Variants in CDK17 observed in about 807,000 individuals in gnomAD.
CDK17 encodes the protein cyclin-dependent kinase 17.
CDK17 carries 24 observed loss-of-function variants against 77.6 expected under a neutral mutation model. That is an observed-to-expected ratio of 0.31 (90% CI 0.22 to 0.44). The LOEUF (loss-of-function observed/expected upper bound fraction) is 0.44. CDK17 is among the 20% of genes least tolerant of loss of function. CDK17 has a pLI of 1.00. For missense variants in CDK17, 429 were observed against 622.5 expected, an observed-to-expected ratio of 0.69 and a Z score of 3.31; for synonymous variants, 203 against 210.4, an observed-to-expected ratio of 0.96 and a Z score of 0.30.
intron 3 of CDK17, among the ~76,000 whole-genome samples, chr12:96,316,340 G>T (rs961276124): frequency 1.2e-4 from 18 of 151,820 alleles, no homozygotes; most frequent in Non-Finnish European, 4.4e-5. Flanking sequence ...TAGCACAGCA[G>T]TCTGAGATCA....
chr12:96,363,918 C>CT (rs1953541138), intron 1 of CDK17, among the ~76,000 whole-genome samples: 1 of 152,190 alleles, frequency 6.6e-6, no homozygotes, highest in Non-Finnish European at 1.5e-5. Context: ...GTTCACAGTG[C>CT]GAGAAGGCAA....
Position 96,357,401 on chromosome 12 carries a change from G to A in CDK17, c.-29-22536C>T, listed in dbSNP as rs576202477. ...CGCTTGAGCCCAGGAGTTTAAGGCT[G>A]CAGTGAGCTGTGACTGCACTCCAAC... On this transcript the variant is annotated intron_variant, in intron 1 of 16. Transcript: ENST00000261211. Among the ~76,000 whole-genome samples, 14 of 152,312 alleles carry A rather than the reference G, an allele frequency of 9.2e-5. 2 individuals are homozygous for A. In the South Asian group the frequency reaches 2.9e-3, roughly 32 times the overall value.
chr12:96,371,214 C>T (rs573653946), intron 1 of CDK17, among the ~76,000 whole-genome samples: 1 of 151,298 alleles, frequency 6.6e-6, no homozygotes, highest in Admixed American at 6.6e-5. Context: ...ATACTTTATC[C>T]TCTAATTAGC....
rs73366508 is a variant in CDK17 at position 96,313,078 on chromosome 12, T to G, written c.417+243A>C. ...ACCTAAAATAACGTTTCGCAAAAAA[T>G]TAAAATAAAATGTTTCACAGAATGC... On this transcript the variant is annotated intron_variant, in intron 4 of 16. Transcript: ENST00000261211. Among the ~76,000 whole-genome samples, 925 of 152,172 alleles carry G rather than the reference T, an allele frequency of 6.1e-3. 11 individuals are homozygous for G. Among genetic ancestry groups the G allele is most frequent in the African/African-American group, 0.02 (831 of 41,526 alleles).
chr12:96,384,016 A>G (rs1953928875), intron 1 of CDK17, among the ~76,000 whole-genome samples: 1 of 152,186 alleles, frequency 6.6e-6, no homozygotes, highest in Non-Finnish European at 1.5e-5. Context: ...TGCATCCAAC[A>G]AAGGACTAAT....
chr12:96,312,556 G>T (rs1952657765), intron 4 of CDK17, among the ~76,000 whole-genome samples: 1 of 152,050 alleles, frequency 6.6e-6, no homozygotes, highest in African/African-American at 2.4e-5. Context: ...AACTGATTAA[G>T]AAGAATCCTT....
intron 1 of CDK17, among the ~76,000 whole-genome samples, chr12:96,367,047 T>C (rs1953596843): frequency 6.6e-6 from 1 of 152,068 alleles, no homozygotes; most frequent in African/African-American, 2.4e-5. Flanking sequence ...TTCCCTTTCT[T>C]ATTAAGAAAT....
chr12:96,357,583 T>C (rs1218635610), intron 1 of CDK17, among the ~76,000 whole-genome samples: 2 of 152,086 alleles, frequency 1.3e-5, no homozygotes, highest in Non-Finnish European at 2.9e-5. Context: ...TACAGAAAGG[T>C]TATAGTAGAC....
chr12:96,399,816 C>A (rs900520494), intron 1 of CDK17, among the ~76,000 whole-genome samples, 170 bp downstream of exon 1: 18 of 152,082 alleles, frequency 1.2e-4, no homozygotes, highest in Middle Eastern at 3.5e-3. Context: ...AGGTGACAGG[C>A]GCACGCTAGC....
At position 96,331,833 on chromosome 12, in the gene CDK17, T is replaced by C. The variant is rs747790431; in HGVS notation, c.118+2886A>G. ...CATGTGCCTAGATATGCAAGAGTAA[T>C]AGGACTGTGATCATGCCTGTGACTA... On this transcript the variant is annotated intron_variant, in intron 2 of 16. Coordinates refer to ENST00000261211, the MANE Select transcript of CDK17 (RefSeq NM_002595.5). Among the ~76,000 whole-genome samples, 22 of 152,144 alleles carry C rather than the reference T, an allele frequency of 1.4e-4. 1 individual carries two copies. Among genetic ancestry groups the C allele is most frequent in the Admixed American group, 1.1e-3 (17 of 15,270 alleles).
intron 1 of CDK17, among the ~76,000 whole-genome samples, chr12:96,363,849 AAAAC>A (rs1389742174): frequency 9.2e-5 from 14 of 152,234 alleles, no homozygotes; most frequent in South Asian, 4.1e-4. Context: ...ACTCTGTCTC[AAAAC>A]AAACAAACAC....
At chr12:96,340,635 C>T (rs532749221) in intron 1 of CDK17, among the ~76,000 whole-genome samples, 54 of 152,186 alleles carry the variant, frequency 3.5e-4, no homozygotes, top group Admixed American at 3.5e-3. Flanking sequence ...TAGCTGAGAA[C>T]AAAGGCACAT....
intron 5 of CDK17, among the ~76,000 whole-genome samples, chr12:96,307,893 A>AC (rs1952597244): frequency 6.6e-6 from 1 of 152,070 alleles, no homozygotes; most frequent in Non-Finnish European, 1.5e-5. Flanking sequence ...ACACACACAC[A>AC]AAAAATGTCT....
intron 3 of CDK17, among the ~76,000 whole-genome samples, chr12:96,317,143 A>T (rs1952741756): frequency 6.7e-6 from 1 of 148,746 alleles, no homozygotes; most frequent in South Asian, 2.3e-4. Context: ...CCAAGGCTCG[A>T]GAACTACATG....
Position 96,355,398 on chromosome 12 carries a change from GTTTTTTTT to G in CDK17, c.-29-20541_-29-20534del, listed in dbSNP as rs58937020. Reference sequence around the variant, plus strand: ...CTTGCTGTCTAACATTCTACATTGGGTTTTTTTTTTTTTTTTTTTTTTTGGAGATGGAG... The same window carrying G: ...CTTGCTGTCTAACATTCTACATTGGGTTTTTTTTTTTTTTTGGAGATGGAG... On this transcript the variant is annotated intron_variant, in intron 1 of 16. Transcript: ENST00000261211. Among the ~76,000 whole-genome samples, 252 of 72,490 alleles carry G rather than the reference GTTTTTTTT, an allele frequency of 3.5e-3. 1 individual carries two copies. Among genetic ancestry groups the G allele is most frequent in the African/African-American group, 0.014 (233 of 16,310 alleles). The allele number at this position is 72,490 out of a possible 152,430, so 47.6% of individuals were successfully genotyped here.
At position 96,387,748 on chromosome 12, in the gene CDK17, C is replaced by T. The variant is rs143250412; in HGVS notation, c.-30+12238G>A. Among the ~76,000 whole-genome samples the T allele has an allele frequency of 1.4e-3, 218 of 152,076 alleles. 1 individual carries two copies. The highest frequency in any genetic ancestry group is 5.1e-3 in the African/African-American group (212 of 41,468). Reference sequence around the variant, plus strand: ...CTTGTGTCCAGGAGTTCAAGACTAGCCTGGGCAACATAGTGAGACCCTGTC... The same window carrying T: ...CTTGTGTCCAGGAGTTCAAGACTAGTCTGGGCAACATAGTGAGACCCTGTC... On this transcript the variant is annotated intron_variant, in intron 1 of 16. Coordinates refer to ENST00000261211, the MANE Select transcript of CDK17 (RefSeq NM_002595.5).
chr12:96,324,550 T>C (rs1952868577), intron 2 of CDK17, among the ~76,000 whole-genome samples: 1 of 152,144 alleles, frequency 6.6e-6, no homozygotes, highest in Admixed American at 6.6e-5. Context: ...GCGGATCACC[T>C]GAGGTCAGGA....
At chr12:96,337,636 C>T (rs539727625) in intron 1 of CDK17, among the ~76,000 whole-genome samples, 202 of 152,272 alleles carry the variant, frequency 1.3e-3, no homozygotes, top group Admixed American at 4.8e-3. Flanking sequence ...ACTCTAAATG[C>T]TATTCTTTAC....
At chr12:96,341,318 T>TATAC (rs1953118437) in intron 1 of CDK17, among the ~76,000 whole-genome samples, 1 of 148,696 alleles carries the variant, frequency 6.7e-6, no homozygotes, top group African/African-American at 2.5e-5. Flanking sequence ...ATCATATACA[T>TATAC]ACACACACAC....
Sources: allele counts gnomAD v4.1 joint callset (sites outside exome capture counted in the v4.1 genomes callset), GRCh38; gene constraint gnomAD v4.1.1; transcripts MANE v1.5; gene names NCBI Gene and HGNC (gene_info 2026-07-23, HGNC 2026-07-21).